The following DCC variants were observed in gnomAD, a reference collection of about 807,000 sequenced individuals.
DCC encodes the protein netrin receptor DCC.
A neutral mutation model predicts 172.5 loss-of-function variants in DCC; 58 were observed. The ratio of observed to expected loss-of-function variants is 0.34; its 90% CI spans 0.27 to 0.42. DCC has a LOEUF of 0.42. Ranked by LOEUF, DCC falls within the 10% of genes least tolerant of loss-of-function variation. The pLI, the probability that DCC is intolerant of heterozygous loss-of-function variation, is 1.00. For missense variants in DCC, 1,740 were observed against 1,791.0 expected (o/e 0.97, Z 0.51); for synonymous variants, 709 against 644.5 (o/e 1.10, Z -1.52).
chr18:53,451,876 G>A (rs1285392397), intron 23 of DCC, among the ~76,000 whole-genome samples: 2 of 152,184 alleles, frequency 1.3e-5, no homozygotes, highest in African/African-American at 4.8e-5. Flanking sequence ...GTAACATGGG[G>A]TGTAGATGCA....
intron 15 of DCC, among the ~76,000 whole-genome samples, chr18:53,368,583 A>G (rs1332039828): frequency 6.6e-6 from 1 of 152,060 alleles, no homozygotes; most frequent in African/African-American, 2.4e-5. Flanking sequence ...TACATCTGAC[A>G]TTTAAATCTT....
At chr18:52,575,041 G>GT (rs2033378235) in intron 1 of DCC, among the ~76,000 whole-genome samples, 2 of 152,160 alleles carry the variant, frequency 1.3e-5, no homozygotes, top group Non-Finnish European at 2.9e-5. Context: ...GCCTCGTGGG[G>GT]TTTTTATAAG....
At chr18:52,692,018 A>C (rs2035937033) in intron 1 of DCC, among the ~76,000 whole-genome samples, 1 of 152,148 alleles carries the variant, frequency 6.6e-6, no homozygotes, top group African/African-American at 2.4e-5. Flanking sequence ...CTCTATTTCT[A>C]AACCTACAGA....
At chr18:52,590,475 A>AT (rs1038144709) in intron 1 of DCC, among the ~76,000 whole-genome samples, 2 of 152,030 alleles carry the variant, frequency 1.3e-5, no homozygotes, top group Non-Finnish European at 2.9e-5. Flanking sequence ...AATAAATAAT[A>AT]TTTTTTCCAT....
chr18:53,019,369 G>A (rs149648245), intron 5 of DCC, among the ~76,000 whole-genome samples: 59 of 152,234 alleles, frequency 3.9e-4, no homozygotes, highest in Non-Finnish European at 7.4e-4. Flanking sequence ...AAAGTTTTCA[G>A]ATAGGAAATG....
At chr18:53,025,803 C>CACACAT (rs1189634255) in intron 5 of DCC, among the ~76,000 whole-genome samples, 2 of 136,430 alleles carry the variant, frequency 1.5e-5, no homozygotes, top group African/African-American at 2.6e-5. Flanking sequence ...GATACACACA[C>CACACAT]ACACACACAC....
At chr18:53,119,051 C>T (rs564012264) in intron 7 of DCC, among the ~76,000 whole-genome samples, 1 of 151,856 alleles carries the variant, frequency 6.6e-6, no homozygotes, top group South Asian at 2.1e-4. Flanking sequence ...GAAGTAAAGG[C>T]TTATTCCAGT....
chr18:52,463,984 A>G (rs1422318088), intron 1 of DCC, among the ~76,000 whole-genome samples: 2 of 152,174 alleles, frequency 1.3e-5, no homozygotes, highest in African/African-American at 4.8e-5. Context: ...GTAGCCATTC[A>G]GGCTTGTGTA....
intron 3 of DCC, among the ~76,000 whole-genome samples, chr18:52,922,034 C>T (rs1207878890): frequency 1.3e-5 from 2 of 151,744 alleles, no homozygotes; most frequent in Admixed American, 1.3e-4. Context: ...TCTTTCAAAC[C>T]ATATTTGCGA....
chr18:52,805,595 A>G (rs1443847703), intron 2 of DCC, among the ~76,000 whole-genome samples: 1 of 152,218 alleles, frequency 6.6e-6, no homozygotes, highest in Non-Finnish European at 1.5e-5. Flanking sequence ...TAAAAATGGG[A>G]CATACATTGT....
At chr18:52,870,962 T>C (rs1021146740) in intron 2 of DCC, among the ~76,000 whole-genome samples, 2 of 152,000 alleles carry the variant, frequency 1.3e-5, no homozygotes, top group African/African-American at 4.8e-5. Context: ...AGGAAGAAAC[T>C]TTTGGGCAGT....
intron 5 of DCC, among the ~76,000 whole-genome samples, chr18:53,020,487 C>T (rs2041864876): frequency 6.6e-6 from 1 of 152,022 alleles, no homozygotes; most frequent in African/African-American, 2.4e-5. Flanking sequence ...GAACCTGCAC[C>T]AAAAGTTATT....
At chr18:52,758,510 T>C (rs977877844) in intron 2 of DCC, among the ~76,000 whole-genome samples, 35 of 152,292 alleles carry the variant, frequency 2.3e-4, no homozygotes, top group African/African-American at 8.4e-4. Flanking sequence ...TAAAAAATAA[T>C]TAATTACTTG....
At chr18:52,488,945 C>T (rs1011050433) in intron 1 of DCC, among the ~76,000 whole-genome samples, 5 of 151,990 alleles carry the variant, frequency 3.3e-5, no homozygotes, top group Admixed American at 6.6e-5. Flanking sequence ...CACCTTTCCC[C>T]GCCTCTTCCC....
intron 1 of DCC, among the ~76,000 whole-genome samples, chr18:52,624,882 G>A (rs113242268): frequency 0.016 from 2,438 of 152,262 alleles, 75 homozygotes; most frequent in African/African-American, 0.056. Flanking sequence ...TACGCAGATC[G>A]TAAGCCATTC....
At chr18:52,488,639 C>G (rs1203153717) in intron 1 of DCC, among the ~76,000 whole-genome samples, 1 of 152,060 alleles carries the variant, frequency 6.6e-6, no homozygotes, top group African/African-American at 2.4e-5. Context: ...TGGGACCTTC[C>G]AAGCTTATTC....
intron 1 of DCC, among the ~76,000 whole-genome samples, chr18:52,725,621 T>A (rs2036540015): frequency 6.6e-6 from 1 of 152,090 alleles, no homozygotes; most frequent in Non-Finnish European, 1.5e-5. Context: ...GGGGGAGGTG[T>A]TGCCTGTGGA....
intron 3 of DCC, among the ~76,000 whole-genome samples, chr18:52,916,888 A>G (rs2040049210): frequency 6.6e-6 from 1 of 152,118 alleles, no homozygotes; most frequent in Non-Finnish European, 1.5e-5. Flanking sequence ...AATTTTTAAG[A>G]TTTATAAAAA....
At chr18:53,518,167 A>AT (rs2046360244) in intron 27 of DCC, among the ~76,000 whole-genome samples, 1 of 152,122 alleles carries the variant, frequency 6.6e-6, no homozygotes, top group Admixed American at 6.5e-5. Flanking sequence ...AGTCCATTTC[A>AT]TTTTGTCTGG....
Sources: gnomAD v4.1 joint callset for allele counts (sites outside exome capture counted in the v4.1 genomes callset) on GRCh38, gnomAD v4.1.1 for gene constraint, MANE v1.5 for transcripts, NCBI Gene and HGNC (gene_info 2026-07-23, HGNC 2026-07-21) for gene names.